KDM2B: variants seen among roughly 807,000 people sequenced by gnomAD.
KDM2B encodes the protein lysine-specific demethylase 2B.
A neutral mutation model predicts 150.0 loss-of-function variants in KDM2B; 26 were observed. That is an observed-to-expected ratio of 0.17 (90% CI 0.13 to 0.24). KDM2B has a LOEUF of 0.24. Among genes scored for constraint, KDM2B ranks in the 10% least tolerant of loss-of-function variants. The pLI is 1.00. For missense variants in KDM2B, 1,265 were observed against 1,816.9 expected, an observed-to-expected ratio of 0.70 and a Z score of 5.52; for synonymous variants, 734 against 729.5, an observed-to-expected ratio of 1.01 and a Z score of -0.10.
rs113709418 is a variant in KDM2B at position 121,486,114 on chromosome 12, AT to A, written c.1734+8464del. On this transcript the variant is annotated intron_variant, in intron 12 of 22. Transcript: ENST00000377071. ...TTTTATGCAACATATATTTTACCAC[AT>A]TTTTTTTTTTTTGAGATGGAGTCTT... Among the ~76,000 whole-genome samples, 672 of 126,682 alleles carry A rather than the reference AT, an allele frequency of 5.3e-3. 1 individual carries two copies. Among genetic ancestry groups the A allele is most frequent in the African/African-American group, 8.7e-3 (302 of 34,816 alleles). The allele number at this position is 126,682 out of a possible 152,430, so 83.1% of individuals were successfully genotyped here.
rs559053817 is a variant in KDM2B at position 121,521,183 on chromosome 12, G to C, written c.932-83C>G. On this transcript the variant is annotated intron_variant, in intron 8 of 22. Coordinates refer to ENST00000377071, the MANE Select transcript of KDM2B (RefSeq NM_032590.5). The surrounding 1 kb of genome is among the most constrained non-coding windows in gnomAD (Gnocchi z 4.9). ...TCACAAGGCTGCAGGGAGGGAGAGC[G>C]AGCGTGCAGGAGGGTGCAGGGAGTG... 1.1e-6 allele frequency: 1 copy of C among 913,390 alleles called. No homozygotes were observed. The highest frequency in any genetic ancestry group is 2.6e-5 in the East Asian group (1 of 38,450). 56.6% of individuals were successfully genotyped at this position (913,390 alleles called of 1,614,324 possible).
chr12:121,504,469 A>G (rs1884870384), intron 11 of KDM2B, among the ~76,000 whole-genome samples: 1 of 152,078 alleles, frequency 6.6e-6, no homozygotes, highest in Non-Finnish European at 1.5e-5. Flanking sequence ...TGGGGGGTTG[A>G]GGCTGCAGTG....
At position 121,562,497 on chromosome 12, in the gene KDM2B, G is replaced by C. The variant is rs377656730; in HGVS notation, c.397+12050C>G. On this transcript the variant is annotated intron_variant, in intron 4 of 22. Transcript: ENST00000377071. The stretch of plus-strand genomic sequence containing the variant: ...AGACTCTGTCTCAAAAAAAAAGTCT[G>C]GGGACAAGTCAGCCAGCTTTGATTT... 3.9e-5 allele frequency among the ~76,000 whole-genome samples: 6 copies of C among 152,082 alleles called. No individual in the cohort carries two copies. The South Asian group carries it at 1.2e-3, about 32-fold the overall frequency.
the KDM2B span, chr12:121,418,165 CTCTG>C: frequency 1.4e-5 from 7 of 489,532 alleles, no homozygotes; most frequent in South Asian, 7.9e-5. Flanking sequence ...TAGTTAATTT[CTCTG>C]TCTTACACAG....
At chr12:121,499,069 T>G (rs1166950632) in intron 11 of KDM2B, among the ~76,000 whole-genome samples, 2 of 151,900 alleles carry the variant, frequency 1.3e-5, no homozygotes, top group African/African-American at 2.4e-5. Context: ...CCTACTAAAG[T>G]GCTGGGATTA....
intron 4 of KDM2B, among the ~76,000 whole-genome samples, chr12:121,565,033 A>G (rs1555314614): frequency 2.0e-5 from 3 of 151,914 alleles, no homozygotes; most frequent in African/African-American, 7.3e-5. Flanking sequence ...GGGTTTCATC[A>G]TGTTGCCTAG....
chr12:121,456,685 G>A (rs1555292850), intron 12 of KDM2B, among the ~76,000 whole-genome samples: 1 of 152,156 alleles, frequency 6.6e-6, no homozygotes, highest in Non-Finnish European at 1.5e-5. Context: ...TAAAAACGTT[G>A]GGCCAATCCA....
chr12:121,530,669 G>C (rs1190325403), intron 8 of KDM2B, among the ~76,000 whole-genome samples: 1 of 152,056 alleles, frequency 6.6e-6, no homozygotes, highest in Non-Finnish European at 1.5e-5. Context: ...GACCTAACTG[G>C]ACTCCTGCTT....
At chr12:121,445,442 C>T in intron 13 of KDM2B, 24 bp from the exon 14 acceptor site, 1 of 1,570,574 alleles carries the variant, frequency 6.4e-7, no homozygotes, top group Non-Finnish European at 8.6e-7. Flanking sequence ...GAGAACAAGA[C>T]AAGTCATCAG....
At chr12:121,484,752 A>C (rs1179420056) in intron 12 of KDM2B, among the ~76,000 whole-genome samples, 1 of 152,146 alleles carries the variant, frequency 6.6e-6, no homozygotes, top group Non-Finnish European at 1.5e-5. Context: ...CGGGAGGTCG[A>C]GGCTGCAGTG....
At chr12:121,420,225 A>G in the KDM2B span, 1 of 1,608,446 alleles carries the variant, frequency 6.2e-7, no homozygotes, top group Non-Finnish European at 8.5e-7. Context: ...CTAATCAGAT[A>G]CGTTGTATAA....
At chr12:121,563,049 G>T (rs1425900395) in intron 4 of KDM2B, among the ~76,000 whole-genome samples, 1 of 152,182 alleles carries the variant, frequency 6.6e-6, no homozygotes, top group East Asian at 1.9e-4. Context: ...CTGGTGCAAT[G>T]GCTCTCGCCT....
At chr12:121,579,091 C>A in intron 1 of KDM2B, 145 bp from the exon 2 acceptor site, 1 of 871,506 alleles carries the variant, frequency 1.1e-6, no homozygotes, top group Non-Finnish European at 1.7e-6. Context: ...GCGCAATTGC[C>A]AAAGATGCTG....
At chr12:121,511,141 G>A (rs1437263180) in intron 10 of KDM2B, among the ~76,000 whole-genome samples, 1 of 147,030 alleles carries the variant, frequency 6.8e-6, no homozygotes, top group Non-Finnish European at 1.5e-5. Flanking sequence ...CTCCCGAGTA[G>A]CTGAGATTAC....
chr12:121,503,468 CTTTTGTTTTG>C (rs151275311), intron 11 of KDM2B, among the ~76,000 whole-genome samples: 2,632 of 151,764 alleles, frequency 0.017, 82 homozygotes, highest in African/African-American at 0.061. Context: ...TTTTTTGTTC[CTTTTGTTTTG>C]TTTTGTTTTG....
At position 121,580,959 on chromosome 12, in the gene KDM2B, A is replaced by G. The variant is rs782152683; in HGVS notation, c.-48T>C. The stretch of plus-strand genomic sequence containing the variant: ...TCAGAAGGAAATTAGCTCGGCTTCC[A>G]TACCTATAAGGACTGCCTAACTTTT... On this transcript the variant is annotated 5_prime_UTR_variant, in exon 1 of 23. It removes an upstream start codon present in the reference 5' UTR. Transcript: ENST00000377071. 3 of 1,605,766 alleles carry G rather than the reference A, an allele frequency of 1.9e-6. No homozygotes were observed. The South Asian group carries it at 3.3e-5, about 18-fold the overall frequency.
chr12:121,425,559 A>G (rs1477172285), downstream of KDM2B, among the ~76,000 whole-genome samples: 8 of 150,164 alleles, frequency 5.3e-5, no homozygotes, highest in African/African-American at 1.9e-4. Flanking sequence ...CAGGAGGCAG[A>G]TGCCCCTGTG....
intron 13 of KDM2B, among the ~76,000 whole-genome samples, chr12:121,448,662 G>A (rs1876712150): frequency 6.6e-6 from 1 of 152,122 alleles, no homozygotes; most frequent in Non-Finnish European, 1.5e-5. Context: ...CACGCCATTG[G>A]TAAGTGAAAA....
rs1005671394 is a variant in KDM2B at position 121,453,036 on chromosome 12, G to A, written c.1959+84C>T. 27 of 1,226,080 alleles carry A rather than the reference G, an allele frequency of 2.2e-5. No homozygotes were observed. The highest frequency in any genetic ancestry group is 2.8e-4 in the Middle Eastern group (1 of 3,576). The allele number at this position is 1,226,080 out of a possible 1,614,324, so 76.0% of individuals were successfully genotyped here. A position where few individuals can be genotyped will look rare whatever the true frequency, so the allele number is the denominator to read the frequency against. ...CCGGCTTCTCTGTGTGCGGAGGGGC[G>A]GCCAGAGCGAGCAGCGGTCAGACAC... is the stretch of plus-strand genomic sequence containing the variant. On this transcript the variant is annotated intron_variant, in intron 13 of 22. Coordinates refer to ENST00000377071, the MANE Select transcript of KDM2B (RefSeq NM_032590.5). This position sits in a 1 kb window ranked among gnomAD's most constrained non-coding sequence, Gnocchi z 6.4.
Sources: allele counts gnomAD v4.1 joint callset (sites outside exome capture counted in the v4.1 genomes callset), GRCh38; gene constraint gnomAD v4.1.1; non-coding constraint Gnocchi (gnomAD v3.1); transcripts MANE v1.5; gene names NCBI Gene and HGNC (gene_info 2026-07-23, HGNC 2026-07-21).